Variants in PITPNC1 observed in about 807,000 individuals in gnomAD.
The protein encoded by PITPNC1 is cytoplasmic phosphatidylinositol transfer protein 1.
In PITPNC1, 18 loss-of-function variants were observed where a neutral mutation model predicts 44.7. That is an observed-to-expected ratio of 0.40 (90% CI 0.28 to 0.60). The LOEUF is 0.60. PITPNC1 is among the 20% of genes least tolerant of loss of function. The pLI is 0.39. For missense variants in PITPNC1, 290 were observed against 418.4 expected, an observed-to-expected ratio of 0.69 and a Z score of 2.68; for synonymous variants, 141 against 149.6, an observed-to-expected ratio of 0.94 and a Z score of 0.42.
chr17:67,560,708 A>G (rs995959976), intron 4 of PITPNC1, among the ~76,000 whole-genome samples: 1 of 152,204 alleles, frequency 6.6e-6, no homozygotes, highest in Non-Finnish European at 1.5e-5. Flanking sequence ...TGTTCAGATT[A>G]TCCCGTTTCC....
intron 6 of PITPNC1, among the ~76,000 whole-genome samples, chr17:67,664,918 A>G (rs555425481): frequency 2.9e-4 from 40 of 140,026 alleles, no homozygotes; most frequent in South Asian, 1.2e-3. Context: ...AAAAAAAAAA[A>G]AAGAAGAAGA....
At chr17:67,413,788 T>A (rs139976801) in intron 1 of PITPNC1, among the ~76,000 whole-genome samples, 14 of 152,314 alleles carry the variant, frequency 9.2e-5, no homozygotes, top group Non-Finnish European at 2.1e-4. Context: ...TCGATGCTTT[T>A]CCTAGGGCAG....
chr17:67,505,321 A>G (rs954489095), intron 1 of PITPNC1, among the ~76,000 whole-genome samples: 3 of 152,200 alleles, frequency 2.0e-5, no homozygotes, highest in African/African-American at 7.2e-5. Flanking sequence ...TAAGGTCTCC[A>G]ACTATAGTTG....
chr17:67,393,682 T>C (rs753161136), intron 1 of PITPNC1, among the ~76,000 whole-genome samples: 3 of 152,210 alleles, frequency 2.0e-5, no homozygotes, highest in Non-Finnish European at 4.4e-5. Flanking sequence ...AGCAGAAATA[T>C]ACTGACTTTA....
chr17:67,523,859 TGGAGCACAGTG>T (rs1235239764), intron 1 of PITPNC1, among the ~76,000 whole-genome samples: 1 of 144,874 alleles, frequency 6.9e-6, no homozygotes, highest in East Asian at 2.1e-4. Flanking sequence ...GTCACCAGGC[TGGAGCACAGTG>T]GTGCAATCTC....
At chr17:67,637,060 T>C (rs2042041608) in intron 6 of PITPNC1, among the ~76,000 whole-genome samples, 1 of 152,210 alleles carries the variant, frequency 6.6e-6, no homozygotes. Flanking sequence ...TGCTAGGTTA[T>C]GCTAGCTCAT....
At chr17:67,584,529 G>A (rs1194509582) in intron 5 of PITPNC1, among the ~76,000 whole-genome samples, 4 of 152,002 alleles carry the variant, frequency 2.6e-5, no homozygotes, top group African/African-American at 7.2e-5. Flanking sequence ...CCTAAGGCTT[G>A]GTTTCTTTAT....
intron 2 of PITPNC1, among the ~76,000 whole-genome samples, chr17:67,547,652 G>T (rs571154375): frequency 6.6e-6 from 1 of 152,306 alleles, no homozygotes; most frequent in South Asian, 2.1e-4. Context: ...CAAAGCCCAA[G>T]TGAGCATACA....
intron 5 of PITPNC1, among the ~76,000 whole-genome samples, chr17:67,583,897 T>G (rs9907554): frequency 0.1 from 11,031 of 105,880 alleles, 488 homozygotes; most frequent in Middle Eastern, 0.16. Flanking sequence ...GTGTGTGTGT[T>G]TGTGTGTGTG....
chr17:67,618,132 G>C (rs745449794), intron 5 of PITPNC1, among the ~76,000 whole-genome samples: 31 of 152,186 alleles, frequency 2.0e-4, no homozygotes, highest in South Asian at 6.2e-4. Flanking sequence ...AGACCAAGGC[G>C]GGGGGTGGAT....
At chr17:67,681,843 T>C (rs2042715014) in intron 8 of PITPNC1, among the ~76,000 whole-genome samples, 1 of 151,996 alleles carries the variant, frequency 6.6e-6, no homozygotes, top group African/African-American at 2.4e-5. Context: ...AAATATACCA[T>C]AGAAATGATA....
chr17:67,431,971 C>T (rs996059360), intron 1 of PITPNC1, among the ~76,000 whole-genome samples: 1 of 152,126 alleles, frequency 6.6e-6, no homozygotes, highest in Admixed American at 6.5e-5. Context: ...ATATTACCTC[C>T]TATATCCCAG....
chr17:67,647,219 A>C (rs541384875), intron 6 of PITPNC1, among the ~76,000 whole-genome samples: 1 of 152,248 alleles, frequency 6.6e-6, no homozygotes, highest in African/African-American at 2.4e-5. Flanking sequence ...GGATTGGCCA[A>C]AAGCAGCTTG....
intron 1 of PITPNC1, among the ~76,000 whole-genome samples, chr17:67,391,185 C>G (rs2038133696): frequency 6.6e-6 from 1 of 151,920 alleles, no homozygotes; most frequent in African/African-American, 2.4e-5. Flanking sequence ...CCTTTAGCAT[C>G]ATATCTGACC....
chr17:67,468,444 C>T (rs535147256), intron 1 of PITPNC1, among the ~76,000 whole-genome samples: 1 of 149,562 alleles, frequency 6.7e-6, no homozygotes, highest in Admixed American at 6.7e-5. Context: ...CTCTGCCGCC[C>T]AGGCTGGAGT....
intron 1 of PITPNC1, among the ~76,000 whole-genome samples, chr17:67,427,352 A>G (rs747145869): frequency 6.6e-6 from 1 of 152,100 alleles, no homozygotes; most frequent in Non-Finnish European, 1.5e-5. Flanking sequence ...CTGGGACCAC[A>G]GGCGCCCGCA....
At chr17:67,660,129 G>A (rs537650918) in intron 6 of PITPNC1, among the ~76,000 whole-genome samples, 6 of 152,178 alleles carry the variant, frequency 3.9e-5, no homozygotes, top group Non-Finnish European at 7.3e-5. Flanking sequence ...CAGTCCACCT[G>A]CCTAGACCTC....
intron 2 of PITPNC1, among the ~76,000 whole-genome samples, chr17:67,546,008 A>G (rs1196391102): frequency 2.0e-5 from 3 of 152,068 alleles, no homozygotes; most frequent in Admixed American, 1.3e-4. Flanking sequence ...CCTGGCTAAC[A>G]TGATGAAACG....
chr17:67,640,445 C>T (rs1025326946), intron 6 of PITPNC1, among the ~76,000 whole-genome samples: 4 of 151,930 alleles, frequency 2.6e-5, no homozygotes, highest in Non-Finnish European at 5.9e-5. Context: ...TTTGGGAGGC[C>T]GAGGCAGGCG....
Sources: gnomAD v4.1 joint callset for allele counts (sites outside exome capture counted in the v4.1 genomes callset) on GRCh38, gnomAD v4.1.1 for gene constraint, MANE v1.5 for transcripts, NCBI Gene and HGNC (gene_info 2026-07-23, HGNC 2026-07-21) for gene names.